Variants in PLEKHA2 observed in about 807,000 individuals in gnomAD.
PLEKHA2 encodes pleckstrin homology domain-containing family A member 2.
PLEKHA2 carries 28 observed loss-of-function variants against 53.2 expected under a neutral mutation model. The ratio of observed to expected loss-of-function variants is 0.53; its 90% confidence interval spans 0.39 to 0.72. The LOEUF is 0.72. Among genes scored for constraint, PLEKHA2 ranks in the 30% least tolerant of loss-of-function variants. The probability of loss-of-function intolerance (pLI) is 0.00; values close to 1 mark genes in which losing one functional copy is unlikely to be tolerated. For synonymous variants in PLEKHA2, 193 were observed against 196.4 expected, an observed-to-expected ratio of 0.98 and a Z score of 0.14; for missense variants, 426 against 537.9, an observed-to-expected ratio of 0.79 and a Z score of 2.06.
chr8:38,944,527 G>A (rs896206734), intron 4 of PLEKHA2, among the ~76,000 whole-genome samples: 1 of 152,112 alleles, frequency 6.6e-6, no homozygotes, highest in Non-Finnish European at 1.5e-5. Flanking sequence ...GGTTTAATTG[G>A]CTCAGTGTTC....
intron 9 of PLEKHA2, among the ~76,000 whole-genome samples, chr8:38,955,496 A>AG (rs1461442090): frequency 2.0e-5 from 3 of 152,132 alleles, no homozygotes. Context: ...AGCCTGATCA[A>AG]GGGGGTCCTC....
chr8:38,906,017 C>T (rs568205383), intron 1 of PLEKHA2, among the ~76,000 whole-genome samples: 1 of 152,216 alleles, frequency 6.6e-6, no homozygotes. Context: ...ATTCTCTTAA[C>T]TGCCCATGTA....
At chr8:38,957,491 T>C (rs1479899084) in intron 10 of PLEKHA2, 105 bp downstream of exon 10, 15 of 992,272 alleles carry the variant, frequency 1.5e-5, no homozygotes, top group Non-Finnish European at 2.3e-5. Flanking sequence ...GCTTGAAGTT[T>C]CTAGGCAGTA....
Position 38,970,211 on chromosome 8 carries a change from C to T in PLEKHA2, c.*428C>T, listed in dbSNP as rs906519630. 1.5e-4 allele frequency: 62 copies of T among 427,532 alleles called. No individual in the cohort carries two copies. Among genetic ancestry groups the T allele is most frequent in the Admixed American group, 3.8e-4 (9 of 23,676 alleles). 26.5% of individuals were successfully genotyped at this position (427,532 alleles called of 1,614,324 possible). A position where few individuals can be genotyped will look rare whatever the true frequency, so the allele number is the denominator to read the frequency against. ...CATTTTGTTTTCAGTCCAGGTGCCTCGCAGCTCTTTTGGAATGGGCCAGCA... is the reference window on the plus strand; with the variant it reads ...CATTTTGTTTTCAGTCCAGGTGCCTTGCAGCTCTTTTGGAATGGGCCAGCA... On this transcript the variant is annotated 3_prime_UTR_variant, in exon 12 of 12. Coordinates refer to ENST00000617275, the MANE Select transcript of PLEKHA2 (RefSeq NM_021623.2).
Position 38,950,998 on chromosome 8 carries a change from G to A in PLEKHA2, c.486+8G>A, listed in dbSNP as rs759699280. The A allele has an allele frequency of 1.7e-5, 28 of 1,612,684 alleles. No individual in the cohort carries two copies. Among genetic ancestry groups the A allele is most frequent in the East Asian group, 2.2e-5 (1 of 44,846 alleles). ...CACACACCCATCAGCCAGGTGAGGG[G>A]CCTGACTGGGGCTGCGGGGGGAGTG... On this transcript the variant is annotated splice_region_variant and intron_variant, in intron 6 of 11. Coordinates refer to ENST00000617275, the MANE Select transcript of PLEKHA2 (RefSeq NM_021623.2).
intron 10 of PLEKHA2, among the ~76,000 whole-genome samples, chr8:38,962,428 ACT>A (rs1376928066): frequency 6.6e-6 from 1 of 152,128 alleles, no homozygotes; most frequent in African/African-American, 2.4e-5. Context: ...GGGAAGTCTG[ACT>A]CTGTTGGAGA....
chr8:38,909,854 A>G (rs578158597), intron 1 of PLEKHA2, among the ~76,000 whole-genome samples: 2 of 152,310 alleles, frequency 1.3e-5, no homozygotes, highest in African/African-American at 4.8e-5. Flanking sequence ...CTTGTATCAT[A>G]AATACTTATT....
Position 38,923,496 on chromosome 8 carries a change from C to T in PLEKHA2, c.141+5426C>T, listed in dbSNP as rs114002019. On this transcript the variant is annotated intron_variant, in intron 2 of 11. Coordinates refer to ENST00000617275, the MANE Select transcript of PLEKHA2 (RefSeq NM_021623.2). ...TGCTGGGATTACAGGCATGAGCTAC[C>T]GCGCCCAGCCTGTAGGTGATCCTTA... Among the ~76,000 whole-genome samples, 441 of 152,266 alleles carry T rather than the reference C, an allele frequency of 2.9e-3. 4 individuals carry two copies. The highest frequency in any genetic ancestry group is 0.01 in the African/African-American group (426 of 41,552).
Position 38,922,913 on chromosome 8 carries a change from A to G in PLEKHA2, c.141+4843A>G, listed in dbSNP as rs1588242978. ...CCAGGTCCATCGACTCAAGTGTGCAACCTCCTCTTTGTCTGCCTCCCTCCT... is the reference window on the plus strand; with the variant it reads ...CCAGGTCCATCGACTCAAGTGTGCAGCCTCCTCTTTGTCTGCCTCCCTCCT... On this transcript the variant is annotated intron_variant, in intron 2 of 11. Coordinates refer to ENST00000617275, the MANE Select transcript of PLEKHA2 (RefSeq NM_021623.2). The surrounding 1 kb of genome is among the most constrained non-coding windows in gnomAD (Gnocchi z 4.0). Among the ~76,000 whole-genome samples, 1 of 151,928 alleles carries G rather than the reference A, an allele frequency of 6.6e-6. No individual in the cohort carries two copies. The highest frequency in any genetic ancestry group is 2.1e-4 in the South Asian group (1 of 4,814).
At chr8:38,948,126 G>A (rs1225030824) in intron 5 of PLEKHA2, among the ~76,000 whole-genome samples, 2 of 150,426 alleles carry the variant, frequency 1.3e-5, no homozygotes, top group African/African-American at 2.4e-5. Context: ...CTCCTTCTTT[G>A]CTGGGTTTCA....
Position 38,969,817 on chromosome 8 carries a change from G to T in PLEKHA2, c.*34G>T. ...AGTGCCATGGGAGGGAGGGAGGGAGGGAGGACTTGAGAGAAGGAGGCTGTG... is the reference window on the plus strand; with the variant it reads ...AGTGCCATGGGAGGGAGGGAGGGAGTGAGGACTTGAGAGAAGGAGGCTGTG... On this transcript the variant is annotated 3_prime_UTR_variant, in exon 12 of 12. Coordinates refer to ENST00000617275, the MANE Select transcript of PLEKHA2 (RefSeq NM_021623.2). 6.5e-7 allele frequency: 1 copy of T among 1,540,748 alleles called. No homozygotes were observed. The highest frequency in any genetic ancestry group is 8.7e-7 in the Non-Finnish European group (1 of 1,143,952).
chr8:38,954,126 C>T (rs1564148554), intron 9 of PLEKHA2, among the ~76,000 whole-genome samples: 1 of 152,134 alleles, frequency 6.6e-6, no homozygotes, highest in Non-Finnish European at 1.5e-5. Context: ...ATGGCTTGTA[C>T]AAGCAGAACC....
intron 1 of PLEKHA2, among the ~76,000 whole-genome samples, chr8:38,914,427 G>A (rs561835573): frequency 6.6e-6 from 1 of 152,244 alleles, no homozygotes; most frequent in South Asian, 2.1e-4. Flanking sequence ...CTGTGGGAGG[G>A]TGTCTCCCTC....
At chr8:38,952,739 ATGGAAACTAAGAGGTGCATAGG>A in intron 8 of PLEKHA2, 35 bp downstream of exon 8, 1 of 1,590,806 alleles carries the variant, frequency 6.3e-7, no homozygotes, top group Non-Finnish European at 8.6e-7. Flanking sequence ...CTGAGAGGTC[ATGGAAACTAAGAGGTGCATAGG>A]TGCACACCCA....
chr8:38,941,056 T>A (rs1346842784), intron 3 of PLEKHA2, among the ~76,000 whole-genome samples: 20 of 7,680 alleles, frequency 2.6e-3, no homozygotes, highest in African/African-American at 0.014. Context: ...CTAAGGTATC[T>A]TTTTTTTTTT....
chr8:38,969,613 C>T lies in PLEKHA2; in HGVS notation c.1108C>T (p.Pro370Ser). ...VPQAGEKLLPPGDTSEDSLFT... is the reference protein window; with the variant it reads ...VPQAGEKLLPSGDTSEDSLFT... ...CCAGGCTGGGGAGAAGCTGCTTCCA[C>T]CTGGAGACACTTCAGAGGACTCCTT... Residue 370 changes from proline (P) to serine (S), a missense_variant, in exon 12 of 12, where the codon CCT becomes TCT. By Grantham distance (74) the Pro-to-Ser change is moderately conservative. Transcript: ENST00000617275. 1 of 1,606,632 alleles carries T rather than the reference C, an allele frequency of 6.2e-7. No individual in the cohort carries two copies. The highest frequency in any genetic ancestry group is 8.5e-7 in the Non-Finnish European group (1 of 1,176,572).
At chr8:38,951,539 A>C (rs1309174641) in intron 6 of PLEKHA2, among the ~76,000 whole-genome samples, 2 of 145,318 alleles carry the variant, frequency 1.4e-5, no homozygotes, top group East Asian at 4.0e-4. Context: ...GCATATACAC[A>C]TAATCACGGC....
At chr8:38,938,182 C>G (rs1834532398) in intron 3 of PLEKHA2, among the ~76,000 whole-genome samples, 1 of 152,226 alleles carries the variant, frequency 6.6e-6, no homozygotes, top group Admixed American at 6.5e-5. Flanking sequence ...TTTCAGCCAC[C>G]TCTCAGAAAG....
At chr8:38,931,972 T>A (rs190799621) in intron 2 of PLEKHA2, among the ~76,000 whole-genome samples, 2 of 152,096 alleles carry the variant, frequency 1.3e-5, no homozygotes, top group East Asian at 3.9e-4. Context: ...GAGCGCGGGC[T>A]TTTTTTTAAA....
Sources: allele counts gnomAD v4.1 joint callset (sites outside exome capture counted in the v4.1 genomes callset), GRCh38; gene constraint gnomAD v4.1.1; non-coding constraint Gnocchi (gnomAD v3.1); transcripts MANE v1.5; gene names NCBI Gene and HGNC (gene_info 2026-07-23, HGNC 2026-07-21).